The following CATSPERD variants were observed in gnomAD, a reference collection of about 807,000 sequenced individuals.
CATSPERD encodes catsper channel auxiliary subunit delta.
A neutral mutation model predicts 98.1 loss-of-function variants in CATSPERD; 86 were observed. The ratio of observed to expected loss-of-function variants is 0.88; its 90% CI spans 0.74 to 1.05. CATSPERD has a LOEUF of 1.05. Among genes scored for constraint, CATSPERD ranks in the 50% least tolerant of loss-of-function variants. The pLI is 0.00. For missense variants in CATSPERD, 995 were observed against 1,005.7 expected (o/e 0.99, Z 0.14); for synonymous variants, 394 against 390.2 (o/e 1.01, Z -0.12).
intron 20 of CATSPERD, among the ~76,000 whole-genome samples, chr19:5,774,447 C>T (rs1274502659): frequency 1.3e-5 from 2 of 151,516 alleles, no homozygotes; most frequent in African/African-American, 4.9e-5. Flanking sequence ...AATCCCAGCA[C>T]TTTGGGAGGC....
At chr19:5,768,327 T>TA (rs1409167737) in intron 18 of CATSPERD, 85 bp downstream of exon 18, 3 of 775,900 alleles carry the variant, frequency 3.9e-6, no homozygotes, top group Non-Finnish European at 5.5e-6. Flanking sequence ...GAATTTTATT[T>TA]ATTTATTTAT....
chr19:5,739,683 AT>A (rs151240840), intron 7 of CATSPERD, among the ~76,000 whole-genome samples: 3,932 of 151,788 alleles, frequency 0.026, 84 homozygotes, highest in Non-Finnish European at 0.036. Flanking sequence ...AATAAAAAAA[AT>A]AAATAAATTA....
chr19:5,740,006 G>GT (rs1436022804), intron 7 of CATSPERD, among the ~76,000 whole-genome samples: 1 of 152,084 alleles, frequency 6.6e-6, no homozygotes, highest in East Asian at 1.9e-4. Flanking sequence ...GACAGGCCAG[G>GT]TGCGGTGCCT....
intron 2 of CATSPERD, among the ~76,000 whole-genome samples, chr19:5,726,702 CTG>C (rs2055611070): frequency 6.6e-6 from 1 of 150,638 alleles, no homozygotes; most frequent in Non-Finnish European, 1.5e-5. Flanking sequence ...ATTAAAAAAA[CTG>C]TTTATTTGGA....
At chr19:5,746,125 C>A in intron 9 of CATSPERD, 62 bp downstream of exon 9, 1 of 1,583,212 alleles carries the variant, frequency 6.3e-7, no homozygotes, top group South Asian at 1.1e-5. Flanking sequence ...GGGCCGAGTA[C>A]AGCCTGGATA....
At position 5,751,721 on chromosome 19, in the gene CATSPERD, C is replaced by G; in HGVS notation, c.1062C>G (p.Thr354=). The change falls in exon 12 of 22, where the codon ACC becomes ACG. Residue 354 remains threonine (T), a synonymous_variant. Coordinates refer to ENST00000381624, the MANE Select transcript of CATSPERD (RefSeq NM_152784.4). ...FRSPGTLEIL[T]PLRDTAFPAF... ...GCCCAGGGACTCTGGAAATACTGAC[C>G]CCACTGCGTGACACAGCCTTTCCAG... 6.2e-7 allele frequency: 1 copy of G among 1,613,788 alleles called. No individual in the cohort carries two copies. The highest frequency in any genetic ancestry group is 8.5e-7 in the Non-Finnish European group (1 of 1,179,946).
intron 13 of CATSPERD, among the ~76,000 whole-genome samples, chr19:5,754,847 C>CTTCTTCT (rs770507089): frequency 2.2e-5 from 3 of 137,834 alleles, no homozygotes; most frequent in African/African-American, 7.9e-5. Context: ...TCTTCTTCTT[C>CTTCTTCT]TTTTTTTTTT....
At chr19:5,765,114 G>A (rs2056512830) in intron 16 of CATSPERD, among the ~76,000 whole-genome samples, 1 of 152,046 alleles carries the variant, frequency 6.6e-6, no homozygotes, top group Non-Finnish European at 1.5e-5. Context: ...TCACTATGTT[G>A]CCCAGACTGG....
intron 9 of CATSPERD, among the ~76,000 whole-genome samples, chr19:5,747,719 C>T (rs1310744899): frequency 6.7e-6 from 1 of 149,598 alleles, no homozygotes; most frequent in Admixed American, 6.8e-5. Context: ...TCAAGCAATT[C>T]TCCTGCCTCA....
At chr19:5,742,257 GGTGTGC>G (rs2055998349) in intron 7 of CATSPERD, among the ~76,000 whole-genome samples, 1 of 143,440 alleles carries the variant, frequency 7.0e-6, no homozygotes, top group South Asian at 2.2e-4. Context: ...AATGTGTGTG[GGTGTGC>G]GTGTGCATGT....
intron 3 of CATSPERD, among the ~76,000 whole-genome samples, chr19:5,727,685 G>A (rs1390326488): frequency 6.6e-6 from 1 of 152,108 alleles, no homozygotes; most frequent in African/African-American, 2.4e-5. Context: ...CTGGGATGGT[G>A]GGAGCAACCA....
intron 4 of CATSPERD, 34 bp from the exon 5 acceptor site, chr19:5,733,822 C>T (rs754627316): frequency 2.2e-5 from 30 of 1,348,454 alleles, no homozygotes; most frequent in Non-Finnish European, 2.1e-6. Context: ...TGAAAAGATG[C>T]TCTCATTGAT....
chr19:5,729,926 C>T lies in CATSPERD; in HGVS notation c.258C>T (p.Thr86=), dbSNP rs770323635. The change falls in exon 4 of 22, where the codon ACC becomes ACT. Residue 86 remains threonine, a synonymous_variant. Transcript: ENST00000381624. The stretch of plus-strand genomic sequence containing the variant: ...TTGAGACTAGTCTCCTTCCATTTAC[C>T]ATCCCTACATCAATGCAGGTAGTTA... The part of the protein sequence containing the change: ...DNFETSLLPF[T]IPTSMQVGVP... 3.1e-6 allele frequency: 5 copies of T among 1,589,734 alleles called. No individual in the cohort carries two copies. The highest frequency in any genetic ancestry group is 4.3e-6 in the Non-Finnish European group (5 of 1,161,546).
chr19:5,733,760 ATTT>A, intron 4 of CATSPERD, 93 bp from the exon 5 acceptor site: 3 of 685,548 alleles, frequency 4.4e-6, no homozygotes, highest in South Asian at 2.0e-5. Flanking sequence ...CCGTCCATAC[ATTT>A]TTTTTTTTTC....
Position 5,749,148 on chromosome 19 carries a change from G to A in CATSPERD, c.952G>A (p.Gly318Ser). ...AACTCGGGAGGATAATTTGTATTAT[G>A]GCAATCTGGGCATCGTGCCAAGTTC... ...VITREDNLYY[G>S]NLGIVPSSII... Residue 318 changes from glycine to serine, a missense_variant, in exon 11 of 22, where the codon GGC becomes AGC. Physicochemically the swap from Gly to Ser is moderately conservative, Grantham distance 56 (BLOSUM62 0). This residue lies in a region of CATSPERD where 762 missense variants were observed against 773.7 expected (regional missense o/e 0.98). Transcript: ENST00000381624. 6.2e-7 allele frequency: 1 copy of A among 1,612,780 alleles called. No homozygotes were observed. Among genetic ancestry groups the A allele is most frequent in the Middle Eastern group, 1.7e-4 (1 of 6,054 alleles).
intron 4 of CATSPERD, among the ~76,000 whole-genome samples, chr19:5,732,785 C>A (rs1053201611): frequency 6.6e-6 from 1 of 152,144 alleles, no homozygotes; most frequent in South Asian, 2.1e-4. Flanking sequence ...AAGCGATTCT[C>A]GTGCCTCAGA....
chr19:5,731,196 T>C (rs1245192059), intron 4 of CATSPERD, among the ~76,000 whole-genome samples: 1 of 151,726 alleles, frequency 6.6e-6, no homozygotes, highest in Non-Finnish European at 1.5e-5. Flanking sequence ...AATAAAGTTT[T>C]GGGCTGGACA....
chr19:5,748,728 C>CTTTTTTTTTTTTTTT (rs527796326), intron 10 of CATSPERD, among the ~76,000 whole-genome samples: 1 of 94,080 alleles, frequency 1.1e-5, no homozygotes, highest in Non-Finnish European at 1.9e-5. Context: ...TCATATTATT[C>CTTTTTTTTTTTTTTT]TTTTTTTTTT....
At position 5,733,895 on chromosome 19, in the gene CATSPERD, T is replaced by G; in HGVS notation, c.316T>G (p.Ser106Ala). The change falls in exon 5 of 22, where the codon TCG becomes GCG. Residue 106 changes from serine (S) to alanine (A), a missense_variant. Physicochemically the swap from Ser to Ala is moderately conservative, Grantham distance 99. Transcript: ENST00000381624. ...PEVTSAHFAG[S>A]LLLLVVDQKV... ...AGTGACATCAGCACATTTTGCTGGT[T>G]CGTTATTGCTGTTAGTAGTGGATCA... 1.2e-6 allele frequency: 2 copies of G among 1,613,098 alleles called. No homozygotes were observed.
Sources: gnomAD v4.1 joint callset for allele counts (sites outside exome capture counted in the v4.1 genomes callset) on GRCh38, gnomAD v4.1.1 for gene constraint, gnomAD v4.1.1 regional missense constraint, MANE v1.5 for transcripts, NCBI Gene and HGNC (gene_info 2026-07-23, HGNC 2026-07-21) for gene names.